LTBP2: variants seen among roughly 807,000 people sequenced by gnomAD.
LTBP2 encodes latent transforming growth factor beta binding protein 2.
LTBP2 carries 103 observed loss-of-function variants against 210.6 expected under a neutral mutation model. That is an observed-to-expected ratio of 0.49 (90% CI 0.42 to 0.58). The LOEUF (loss-of-function observed/expected upper bound fraction) is 0.58. LTBP2 is among the 20% of genes least tolerant of loss of function. The pLI is 0.00. For synonymous variants in LTBP2, 1,007 were observed against 1,015.0 expected, an observed-to-expected ratio of 0.99 and a Z score of 0.15; for missense variants, 2,313 against 2,494.5, an observed-to-expected ratio of 0.93 and a Z score of 1.55.
rs531411696 is a variant in LTBP2, at chr14:74,586,986, G to A, written c.566-868C>T. On this transcript the variant is annotated intron_variant, in intron 2 of 35. Coordinates refer to ENST00000261978, the MANE Select transcript of LTBP2 (RefSeq NM_000428.3). This position sits in a 1 kb window ranked among gnomAD's most constrained non-coding sequence, Gnocchi z 4.6. ...GGAGCTGAAACCAGGCCCTCCTCCC[G>A]GTTAGCCCTATGCAGCATTAGCCAC... is the stretch of plus-strand genomic sequence containing the variant. Among the ~76,000 whole-genome samples, 18 of 152,280 alleles carry A rather than the reference G, an allele frequency of 1.2e-4. No individual in the cohort carries two copies. Among genetic ancestry groups the A allele is most frequent in the Non-Finnish European group, 1.8e-4 (12 of 68,020 alleles).
chr14:74,582,435 CCA>C (rs2088150467), intron 3 of LTBP2, among the ~76,000 whole-genome samples: 1 of 147,826 alleles, frequency 6.8e-6, no homozygotes, highest in Non-Finnish European at 1.5e-5. Flanking sequence ...CACACACACT[CCA>C]GTTTCCTCTC....
chr14:74,576,566 A>AGC (rs2088060450), intron 3 of LTBP2, among the ~76,000 whole-genome samples: 2 of 152,046 alleles, frequency 1.3e-5, no homozygotes, highest in South Asian at 2.1e-4. Flanking sequence ...GAAAAATGGG[A>AGC]GACATCTCCT....
At position 74,500,167 on chromosome 14, in the gene LTBP2, C is replaced by T. The variant is rs1475173387; in HGVS notation, c.*717G>A. On this transcript the variant is annotated 3_prime_UTR_variant, in exon 36 of 36. Coordinates refer to ENST00000261978, the MANE Select transcript of LTBP2 (RefSeq NM_000428.3). Reference sequence around the variant, plus strand: ...GTATAAAGCCTTGGCTCCCCTTTCTCATCAACTCCACGTATTTTTCATCAT... The same window carrying T: ...GTATAAAGCCTTGGCTCCCCTTTCTTATCAACTCCACGTATTTTTCATCAT... 5 of 234,816 alleles carry T rather than the reference C, an allele frequency of 2.1e-5. No homozygotes were observed. Among genetic ancestry groups the T allele is most frequent in the Non-Finnish European group, 3.4e-5 (4 of 119,258 alleles). The allele number at this position is 234,816 out of a possible 1,614,324, so 14.5% of individuals were successfully genotyped here.
At chr14:74,537,997 C>T (rs1299573423) in intron 8 of LTBP2, among the ~76,000 whole-genome samples, 3 of 152,168 alleles carry the variant, frequency 2.0e-5, no homozygotes, top group South Asian at 2.1e-4. Flanking sequence ...TCAGGTGATC[C>T]GCCTGCTTTG....
chr14:74,588,818 G>C (rs2088243868), intron 2 of LTBP2, among the ~76,000 whole-genome samples: 1 of 152,190 alleles, frequency 6.6e-6, no homozygotes, highest in African/African-American at 2.4e-5. Flanking sequence ...GAGAGGTTAA[G>C]AGACTTGCCT....
intron 4 of LTBP2, among the ~76,000 whole-genome samples, chr14:74,555,179 G>C (rs1041652547): frequency 2.0e-5 from 3 of 152,154 alleles, no homozygotes; most frequent in Non-Finnish European, 4.4e-5. Flanking sequence ...TTGTAGGAGG[G>C]ATGAGGTGGA....
chr14:74,523,648 G>A (rs2087236441), intron 15 of LTBP2, among the ~76,000 whole-genome samples: 1 of 152,178 alleles, frequency 6.6e-6, no homozygotes, highest in African/African-American at 2.4e-5. Context: ...AGGCTGTGTA[G>A]ACAGCAGAGA....
In LTBP2 at chr14:74,498,342, C is replaced by T. The variant is rs2086873565; in HGVS notation, c.*2542G>A. The T allele has an allele frequency of 5.2e-6, 1 of 190,976 alleles. No homozygotes were observed. The highest frequency in any genetic ancestry group is 2.3e-5 in the African/African-American group (1 of 42,912). 11.8% of individuals were successfully genotyped at this position (190,976 alleles called of 1,614,324 possible). A position where few individuals can be genotyped will look rare whatever the true frequency, so the allele number is the denominator to read the frequency against. On this transcript the variant is annotated 3_prime_UTR_variant, in exon 36 of 36. Coordinates refer to ENST00000261978, the MANE Select transcript of LTBP2 (RefSeq NM_000428.3). ...CCATTGGTTCTAAGAATTTATCCTG[C>T]AGATGTAATCCCATAAATTAATGTG... is the stretch of plus-strand genomic sequence containing the variant.
At chr14:74,546,735 G>A (rs917648842) in intron 8 of LTBP2, among the ~76,000 whole-genome samples, 7 of 152,216 alleles carry the variant, frequency 4.6e-5, no homozygotes, top group South Asian at 2.1e-4. Flanking sequence ...CGTGCCCACC[G>A]CCACTGGGCT....
Position 74,499,648 on chromosome 14 carries a change from T to TATC in LTBP2, c.*1233_*1235dup, listed in dbSNP as rs963102917. 2.6e-5 allele frequency: 6 copies of TATC among 226,722 alleles called. No individual in the cohort carries two copies. The highest frequency in any genetic ancestry group is 6.4e-5 in the East Asian group (1 of 15,748). The allele number at this position is 226,722 out of a possible 1,614,324, so 14.0% of individuals were successfully genotyped here. On this transcript the variant is annotated 3_prime_UTR_variant, in exon 36 of 36. Coordinates refer to ENST00000261978, the MANE Select transcript of LTBP2 (RefSeq NM_000428.3). Reference sequence around the variant, plus strand: ...TTTCCCATTGGAACCCATCATAGGCTATCAGCAGAGCTGGCCAGGGAGTAG... The same window carrying TATC: ...TTTCCCATTGGAACCCATCATAGGCTATCATCAGCAGAGCTGGCCAGGGAGTAG...
intron 1 of LTBP2, among the ~76,000 whole-genome samples, chr14:74,609,353 G>T (rs1163781248): frequency 6.6e-6 from 1 of 152,174 alleles, no homozygotes; most frequent in Non-Finnish European, 1.5e-5. Flanking sequence ...TCACATGCCT[G>T]TTCACATCCA....
intron 1 of LTBP2, among the ~76,000 whole-genome samples, chr14:74,608,802 C>T (rs1866628): frequency 0.47 from 71,206 of 151,468 alleles, 17,205 homozygotes; most frequent in African/African-American, 0.51. Context: ...ATTTCATTAG[C>T]GTAGGGACGG....
chr14:74,602,206 G>C (rs2088458134), intron 2 of LTBP2, among the ~76,000 whole-genome samples: 1 of 152,238 alleles, frequency 6.6e-6, no homozygotes, highest in Non-Finnish European at 1.5e-5. Flanking sequence ...ACTTGCAGCA[G>C]CAGAGCTTGG....
At chr14:74,602,369 G>A (rs1171749420) in intron 2 of LTBP2, among the ~76,000 whole-genome samples, 1 of 152,156 alleles carries the variant, frequency 6.6e-6, no homozygotes, top group Non-Finnish European at 1.5e-5. Context: ...ATACTCAGTT[G>A]TTAGCTAATA....
Position 74,508,946 on chromosome 14 carries a change from T to C in LTBP2, c.3410A>G (p.Asp1137Gly), listed in dbSNP as rs749145240. The C allele has an allele frequency of 6.2e-7, 1 of 1,613,468 alleles. No individual in the cohort carries two copies. The highest frequency in any genetic ancestry group is 1.7e-5 in the Admixed American group (1 of 60,008). Residue 1137 changes from aspartate (D) to glycine (G), a missense_variant, in exon 23 of 36, where the codon GAT becomes GGT. Physicochemically the swap from Asp to Gly is moderately conservative, Grantham distance 94. Transcript: ENST00000261978. The part of the protein sequence containing the change: ...SPLGDSCEDV[D>G]ECEDPQSSCL... ...GCTGCTCTGGGGGTCTTCACATTCA[T>C]CCACATCTGCAGGGCCACACAGGGG...
chr14:74,510,824 C>T (rs943427621), intron 19 of LTBP2, among the ~76,000 whole-genome samples: 1 of 152,222 alleles, frequency 6.6e-6, no homozygotes, highest in Non-Finnish European at 1.5e-5. Context: ...AGACCTGCTG[C>T]CCTTCTGAGG....
intron 15 of LTBP2, 65 bp downstream of exon 15, chr14:74,525,059 G>T: frequency 1.1e-6 from 1 of 898,120 alleles, no homozygotes; most frequent in Non-Finnish European, 1.6e-6. Context: ...CCCTGGAGTT[G>T]GCTCTGGACA....
rs772824127 is a variant in LTBP2, at chr14:74,508,854, G to A, written c.3502C>T (p.Leu1168=). ...YQCLCPQGFQ[L]ANGTVCEDVN... ...CCCTCACACACGGTGCCATTGGCCAGCTGGAAGCCCTGGGGACAGAGGCAC... is the reference window on the plus strand; with the variant it reads ...CCCTCACACACGGTGCCATTGGCCAACTGGAAGCCCTGGGGACAGAGGCAC... The change falls in exon 23 of 36, where the codon CTG becomes TTG. Residue 1168 remains leucine, a synonymous_variant. Transcript: ENST00000261978. 3.7e-6 allele frequency: 6 copies of A among 1,613,628 alleles called. No homozygotes were observed. The highest frequency in any genetic ancestry group is 4.2e-6 in the Non-Finnish European group (5 of 1,179,960).
intron 2 of LTBP2, 74 bp downstream of exon 2, chr14:74,603,561 C>T: frequency 6.7e-7 from 1 of 1,500,126 alleles, no homozygotes; most frequent in Non-Finnish European, 9.3e-7. Flanking sequence ...GCTTGACCTG[C>T]CCTGGGAGTA....
Sources: gnomAD v4.1 joint callset for allele counts (sites outside exome capture counted in the v4.1 genomes callset) on GRCh38, gnomAD v4.1.1 for gene constraint, Gnocchi (gnomAD v3.1) non-coding constraint, MANE v1.5 for transcripts, NCBI Gene and HGNC (gene_info 2026-07-23, HGNC 2026-07-21) for gene names.